The following FBP1 variants were observed in gnomAD, a reference collection of about 807,000 sequenced individuals.
FBP1 encodes fructose-1,6-bisphosphatase 1.
FBP1 carries 22 observed loss-of-function variants against 29.9 expected under a neutral mutation model. The ratio of observed to expected loss-of-function variants is 0.74; its 90% CI spans 0.53 to 1.05. The LOEUF (loss-of-function observed/expected upper bound fraction) is 1.05, where lower values mean the gene tolerates loss of function less well. FBP1 is among the 50% of genes least tolerant of loss of function. The pLI is 0.00. For synonymous variants in FBP1, 175 were observed against 178.6 expected (o/e 0.98, Z 0.16); for missense variants, 345 against 448.2 (o/e 0.77, Z 2.08).
intron 6 of FBP1, 104 bp downstream of exon 6, chr9:94,605,353 G>T (rs538247131): frequency 8.2e-7 from 1 of 1,213,140 alleles, no homozygotes; most frequent in Non-Finnish European, 1.2e-6. Flanking sequence ...TAGCAACCTA[G>T]CATGGAGCGT....
At chr9:94,638,467 T>C (rs1209689436) in intron 1 of FBP1, among the ~76,000 whole-genome samples, 1 of 152,206 alleles carries the variant, frequency 6.6e-6, no homozygotes, top group African/African-American at 2.4e-5. Context: ...CACACCATCA[T>C]TGCAAATCGA....
chr9:94,605,377 A>G (rs959359495), intron 6 of FBP1, 80 bp downstream of exon 6: 1 of 1,512,002 alleles, frequency 6.6e-7, no homozygotes, highest in Non-Finnish European at 9.0e-7. Context: ...AGCTAGCAAA[A>G]CCTTTCTTCT....
intron 2 of FBP1, among the ~76,000 whole-genome samples, chr9:94,619,145 C>A (rs1050479904): frequency 6.6e-6 from 1 of 152,102 alleles, no homozygotes; most frequent in Non-Finnish European, 1.5e-5. Flanking sequence ...GAATATTAAA[C>A]AACAAATCTA....
At chr9:94,614,194 G>A (rs1827829192) in intron 3 of FBP1, among the ~76,000 whole-genome samples, 1 of 137,070 alleles carries the variant, frequency 7.3e-6, no homozygotes, top group Non-Finnish European at 1.6e-5. Flanking sequence ...AGGAGCAGGG[G>A]GAGGAGGAGG....
chr9:94,630,917 C>A (rs1828095971), intron 1 of FBP1, among the ~76,000 whole-genome samples: 1 of 152,056 alleles, frequency 6.6e-6, no homozygotes, highest in Non-Finnish European at 1.5e-5. Flanking sequence ...ACAATAGAGC[C>A]CCGCAGGCAT....
intron 1 of FBP1, among the ~76,000 whole-genome samples, chr9:94,633,831 A>G (rs970981868): frequency 6.6e-6 from 1 of 151,394 alleles, no homozygotes; most frequent in Non-Finnish European, 1.5e-5. Flanking sequence ...CAGCCTCCCA[A>G]GTAGCTGGGA....
chr9:94,621,398 A>AAAAAAAAAATATATAT lies in FBP1; in HGVS notation c.171-908_171-907insATATATATTTTTTTTT, dbSNP rs58726402. Among the ~76,000 whole-genome samples the AAAAAAAAAATATATAT allele has an allele frequency of 1.2e-4, 18 of 146,152 alleles. 1 individual carries two copies. Among genetic ancestry groups the AAAAAAAAAATATATAT allele is most frequent in the African/African-American group, 4.8e-4 (18 of 37,884 alleles). ...GCGACAGAGCAAGATTCCGTCTAAA[A>AAAAAAAAAATATATAT]ATATATATATTTTTAGAAGAAAGGA... On this transcript the variant is annotated intron_variant, in intron 1 of 6. Coordinates refer to ENST00000375326, the MANE Select transcript of FBP1 (RefSeq NM_000507.4).
At chr9:94,624,058 G>C (rs551669219) in intron 1 of FBP1, among the ~76,000 whole-genome samples, 1 of 151,168 alleles carries the variant, frequency 6.6e-6, no homozygotes, top group Admixed American at 6.6e-5. Flanking sequence ...GAAATAGGCC[G>C]GGCACGGTGG....
intron 6 of FBP1, among the ~76,000 whole-genome samples, chr9:94,604,232 GA>G (rs1200712196): frequency 1.6e-5 from 1 of 61,630 alleles, no homozygotes; most frequent in Non-Finnish European, 3.3e-5. Flanking sequence ...GGCTAGTTTT[GA>G]AAAACCAAAA....
chr9:94,635,602 G>A (rs894627963), intron 1 of FBP1, among the ~76,000 whole-genome samples: 6 of 152,194 alleles, frequency 3.9e-5, no homozygotes, highest in African/African-American at 1.4e-4. Context: ...AATGTAGGTT[G>A]GGGGCCTGGC....
At chr9:94,635,100 A>AAC (rs1828172708) in intron 1 of FBP1, among the ~76,000 whole-genome samples, 1 of 151,858 alleles carries the variant, frequency 6.6e-6, no homozygotes, top group Admixed American at 6.6e-5. Flanking sequence ...AAAAAAAAAA[A>AAC]AAAAAAAAAA....
At chr9:94,638,565 C>A (rs1369480738) in intron 1 of FBP1, among the ~76,000 whole-genome samples, 1 of 150,968 alleles carries the variant, frequency 6.6e-6, no homozygotes, top group Non-Finnish European at 1.5e-5. Context: ...AGCTCCTTTG[C>A]ACACAAGCCC....
Position 94,630,124 on chromosome 9 carries a change from T to C in FBP1, c.170+9017A>G, listed in dbSNP as rs1299431019. On this transcript the variant is annotated intron_variant, in intron 1 of 6. Transcript: ENST00000375326. ...TGGAGGAAGAAAGACCTATCAGTCT[T>C]GATCCTGGAAAAAAGAATATTTTGT... Among the ~76,000 whole-genome samples the C allele has an allele frequency of 2.0e-5, 3 of 152,226 alleles. No homozygotes were observed. In the East Asian group the frequency reaches 5.8e-4, roughly 29 times the overall value.
chr9:94,638,037 G>C (rs1033419315), intron 1 of FBP1, among the ~76,000 whole-genome samples: 4 of 143,946 alleles, frequency 2.8e-5, no homozygotes, highest in African/African-American at 1.1e-4. Flanking sequence ...GGTGAGCCAA[G>C]ATCGCACCAT....
Position 94,639,132 on chromosome 9 carries a change from C to T in FBP1, c.170+9G>A. 1 of 1,592,114 alleles carries T rather than the reference C, an allele frequency of 6.3e-7. No homozygotes were observed. The highest frequency in any genetic ancestry group is 8.5e-7 in the Non-Finnish European group (1 of 1,170,376). ...CAGGACGGGGCCCACCGCCCAAGGC[C>T]CGACTCACAGGTGCGCGATGCCCGC... is the stretch of plus-strand genomic sequence containing the variant. On this transcript the variant is annotated intron_variant, in intron 1 of 6. Transcript: ENST00000375326.
In FBP1 at chr9:94,632,138, G is replaced by A. The variant is rs569304230; in HGVS notation, c.170+7003C>T. Reference sequence around the variant, plus strand: ...ATTAGCTGACGTGTCATTCTAAAACGAAATCTGAAGCTCTTTATTATTTCT... The same window carrying A: ...ATTAGCTGACGTGTCATTCTAAAACAAAATCTGAAGCTCTTTATTATTTCT... On this transcript the variant is annotated intron_variant, in intron 1 of 6. Transcript: ENST00000375326. Among the ~76,000 whole-genome samples the A allele has an allele frequency of 1.4e-4, 22 of 152,176 alleles. No homozygotes were observed. In the South Asian group the frequency reaches 1.9e-3, roughly 13 times the overall value.
intron 4 of FBP1, among the ~76,000 whole-genome samples, chr9:94,607,853 CCAGA>C (rs1456398617): frequency 6.6e-6 from 1 of 152,036 alleles, no homozygotes; most frequent in Admixed American, 6.6e-5. Context: ...TACGTTGAAA[CCAGA>C]CAGACAGGGA....
chr9:94,625,126 T>C (rs1828003447), intron 1 of FBP1, among the ~76,000 whole-genome samples: 1 of 151,598 alleles, frequency 6.6e-6, no homozygotes, highest in African/African-American at 2.4e-5. Flanking sequence ...CAGATTAAAG[T>C]GAGAAGCAAC....
Position 94,608,561 on chromosome 9 carries a change from T to A in FBP1, c.567+1360A>T, listed in dbSNP as rs28369743. 5.3e-5 allele frequency among the ~76,000 whole-genome samples: 8 copies of A among 152,292 alleles called. No individual in the cohort carries two copies. In the East Asian group the frequency reaches 1.5e-3, roughly 29 times the overall value. On this transcript the variant is annotated intron_variant, in intron 4 of 6. Coordinates refer to ENST00000375326, the MANE Select transcript of FBP1 (RefSeq NM_000507.4). ...AACATCAGTGGTGCCCGAAATTCCA[T>A]CCTGGGCTCAGGTGGAACTTTGCTC...
Sources: gnomAD v4.1 joint callset for allele counts (sites outside exome capture counted in the v4.1 genomes callset) on GRCh38, gnomAD v4.1.1 for gene constraint, MANE v1.5 for transcripts, NCBI Gene and HGNC (gene_info 2026-07-23, HGNC 2026-07-21) for gene names.